The following YME1L1 variants were observed in gnomAD, a reference collection of about 807,000 sequenced individuals.
YME1L1 encodes the protein ATP-dependent zinc metalloprotease YME1L1.
Under a neutral mutation model 90.4 loss-of-function variants are expected in YME1L1, and 39 were observed. The observed-to-expected ratio is 0.43, with a 90% CI of 0.33 to 0.56. The LOEUF (loss-of-function observed/expected upper bound fraction) is 0.56. Among genes scored for constraint, YME1L1 ranks in the 20% least tolerant of loss-of-function variants. The probability of loss-of-function intolerance (pLI) is 0.03; values close to 1 mark genes in which losing one functional copy is unlikely to be tolerated. For missense variants in YME1L1, 617 were observed against 868.4 expected (o/e 0.71, Z 3.64); for synonymous variants, 284 against 287.3 (o/e 0.99, Z 0.12).
intron 4 of YME1L1, among the ~76,000 whole-genome samples, chr10:27,136,997 G>C (rs1019348454): frequency 1.4e-5 from 2 of 142,850 alleles, no homozygotes; most frequent in African/African-American, 5.1e-5. Context: ...AAAAAACTGA[G>C]TATCAACTCT....
At position 27,117,680 on chromosome 10, in the gene YME1L1, T is replaced by A. The variant is rs2056827500; in HGVS notation, c.1615A>T (p.Thr539Ser). 1 of 1,614,120 alleles carries A rather than the reference T, an allele frequency of 6.2e-7. No homozygotes were observed. Among genetic ancestry groups the A allele is most frequent in the African/African-American group, 1.3e-5 (1 of 74,950 alleles). The part of the protein sequence containing the change: ...VEIDNKNKTI[T>S]AYHESGHAII... ...GCATGACCAGATTCATGATATGCTG[T>A]GATGGTTTTGTTTTTGTTATCAATT... Residue 539 changes from threonine (T) to serine (S), a missense_variant, in exon 15 of 19, where the codon ACA becomes TCA. Thr to Ser is a moderately conservative substitution (Grantham distance 58). Coordinates refer to ENST00000376016, the MANE Select transcript of YME1L1 (RefSeq NM_014263.4).
chr10:27,151,738 G>T (rs2057218829), intron 1 of YME1L1, among the ~76,000 whole-genome samples: 2 of 152,180 alleles, frequency 1.3e-5, no homozygotes, highest in Non-Finnish European at 2.9e-5. Flanking sequence ...AAAATTAGCC[G>T]GGCGTGGTGG....
Position 27,120,495 on chromosome 10 carries a change from C to G in YME1L1, c.1351G>C (p.Asp451His). Residue 451 changes from aspartate to histidine, a missense_variant, in exon 13 of 19, where the codon GAT (aspartate) becomes CAT (histidine). Physicochemically the swap from Asp to His is moderately conservative, Grantham distance 81 (BLOSUM62 -1). This residue lies in a region of YME1L1 where 212 missense variants were observed against 330.0 expected (regional missense o/e 0.64). Coordinates refer to ENST00000376016, the MANE Select transcript of YME1L1 (RefSeq NM_014263.4). ...FDMQVTVPRP[D>H]VKGRTEILKW... ...AAAATTTCTGTTCGACCTTTTACAT[C>G]TGGCCTTGGAACTGTAACTTGCATG... 6.2e-7 allele frequency: 1 copy of G among 1,613,818 alleles called. No individual in the cohort carries two copies. Among genetic ancestry groups the G allele is most frequent in the South Asian group, 1.1e-5 (1 of 91,044 alleles).
intron 8 of YME1L1, among the ~76,000 whole-genome samples, chr10:27,127,004 CA>C (rs1208303189): frequency 6.6e-6 from 1 of 152,110 alleles, no homozygotes; most frequent in Non-Finnish European, 1.5e-5. Context: ...TTACTATCCC[CA>C]AAAAAATCAT....
chr10:27,118,049 A>C (rs1176022356), intron 14 of YME1L1, among the ~76,000 whole-genome samples: 2 of 152,234 alleles, frequency 1.3e-5, no homozygotes, highest in African/African-American at 4.8e-5. Context: ...AGCATCCCTG[A>C]ATTTTGGTAT....
intron 18 of YME1L1, among the ~76,000 whole-genome samples, chr10:27,113,759 T>C (rs1331448491): frequency 1.3e-5 from 2 of 151,466 alleles, no homozygotes; most frequent in African/African-American, 4.9e-5. Context: ...CCCCAGCTAC[T>C]TGGGAGGTTG....
rs555354401 is a variant in YME1L1 at position 27,134,018 on chromosome 10, A to G, written c.775+21T>C. 4.6e-6 allele frequency: 7 copies of G among 1,524,438 alleles called. No individual in the cohort carries two copies. In the African/African-American group the frequency reaches 8.3e-5, roughly 18 times the overall value. The allele number at this position is 1,524,438 out of a possible 1,614,324, so 94.4% of individuals were successfully genotyped here. A position where few individuals can be genotyped will look rare whatever the true frequency, so the allele number is the denominator to read the frequency against. ...TTTAAAGGAATAAGAAATAAGTTAG[A>G]CAAATAAAAAAAGCTTTTACCAGAT... On this transcript the variant is annotated intron_variant, in intron 7 of 18. Transcript: ENST00000376016.
chr10:27,132,004 T>C lies in YME1L1; in HGVS notation c.776-63A>G, dbSNP rs74126903. On this transcript the variant is annotated intron_variant, in intron 7 of 18. Coordinates refer to ENST00000376016, the MANE Select transcript of YME1L1 (RefSeq NM_014263.4). ...TAATAACATTCCAATCACCTTGTTT[T>C]TTAGATGCAAGAAAGCAAAGCCTAG... is the stretch of plus-strand genomic sequence containing the variant. 5.4e-4 allele frequency: 749 copies of C among 1,386,540 alleles called. 5 individuals are homozygous for C. The African/African-American group carries it at 9.0e-3, about 17-fold the overall frequency. 85.9% of individuals were successfully genotyped at this position (1,386,540 alleles called of 1,614,324 possible).
Position 27,154,181 on chromosome 10 carries a change from G to C in YME1L1, c.30C>G (p.Pro10=), listed in dbSNP as rs546189140. ...ATGGGCTGAATGCCTGGCTTACCTG[G>C]GGTTGCACCGTGCTCGACAAGGAAA... is the stretch of plus-strand genomic sequence containing the variant. MFSLSSTVQ[P]QVTVPLSHLI... Residue 10 remains proline (P), a synonymous_variant, in exon 1 of 19, where the codon CCC becomes CCG. Coordinates refer to ENST00000376016, the MANE Select transcript of YME1L1 (RefSeq NM_014263.4). The C allele has an allele frequency of 6.3e-7, 1 of 1,590,824 alleles. No individual in the cohort carries two copies. Among genetic ancestry groups the C allele is most frequent in the East Asian group, 2.3e-5 (1 of 43,954 alleles).
chr10:27,132,785 A>T (rs1400308956), intron 7 of YME1L1, among the ~76,000 whole-genome samples: 1 of 152,116 alleles, frequency 6.6e-6, no homozygotes, highest in Non-Finnish European at 1.5e-5. Context: ...GCCCCACTGC[A>T]CTCCAGCCTG....
intron 17 of YME1L1, among the ~76,000 whole-genome samples, 156 bp downstream of exon 17, chr10:27,115,904 T>A (rs1485652817): frequency 2.6e-5 from 4 of 152,204 alleles, no homozygotes; most frequent in Admixed American, 1.3e-4. Context: ...GTCCATTTTC[T>A]TTATTCAGAG....
rs1477153927 is a variant in YME1L1 at position 27,111,637 on chromosome 10, T to TA, written c.*339dup. ...GTTTCCACTGATGTATATAGAAGGC[T>TA]AAAGGCACAATTTTTATCAAATCTA... On this transcript the variant is annotated 3_prime_UTR_variant, in exon 19 of 19. Transcript: ENST00000376016. The TA allele has an allele frequency of 2.7e-6, 1 of 369,162 alleles. No individual in the cohort carries two copies. The highest frequency in any genetic ancestry group is 5.2e-6 in the Non-Finnish European group (1 of 193,110). The allele number at this position is 369,162 out of a possible 1,614,324, so 22.9% of individuals were successfully genotyped here.
At chr10:27,119,785 G>A (rs746073105) in intron 13 of YME1L1, among the ~76,000 whole-genome samples, 21 of 150,072 alleles carry the variant, frequency 1.4e-4, no homozygotes, top group Non-Finnish European at 2.8e-4. Context: ...CTCCAGCCTA[G>A]GCAAAAAGGG....
At chr10:27,142,134 T>C (rs2057094515) in intron 4 of YME1L1, among the ~76,000 whole-genome samples, 1 of 152,152 alleles carries the variant, frequency 6.6e-6, no homozygotes, top group South Asian at 2.1e-4. Flanking sequence ...TGGTTAGTCA[T>C]TTATCTTGAA....
At chr10:27,117,815 T>C (rs2056829003) in intron 14 of YME1L1, 88 bp from the exon 15 acceptor site, 3 of 1,344,884 alleles carry the variant, frequency 2.2e-6, no homozygotes, top group South Asian at 2.7e-5. Flanking sequence ...TCAAATACAC[T>C]CCACCCTTCC....
intron 2 of YME1L1, among the ~76,000 whole-genome samples, chr10:27,148,348 G>A (rs1042074657): frequency 5.9e-5 from 9 of 151,914 alleles, no homozygotes; most frequent in East Asian, 3.9e-4. Flanking sequence ...GACTACAGGC[G>A]CACGCCACCA....
At chr10:27,144,867 C>T (rs1161641013) in intron 3 of YME1L1, among the ~76,000 whole-genome samples, 1 of 152,170 alleles carries the variant, frequency 6.6e-6, no homozygotes, top group East Asian at 1.9e-4. Context: ...GTTAGGCCTG[C>T]ACGGTGGCTC....
intron 3 of YME1L1, among the ~76,000 whole-genome samples, chr10:27,143,424 G>A (rs2057110441): frequency 6.6e-6 from 1 of 151,598 alleles, no homozygotes; most frequent in Admixed American, 6.6e-5. Context: ...TTAAGGCCAG[G>A]CGCGGTGCCT....
At chr10:27,123,179 T>C (rs995752942) in intron 10 of YME1L1, among the ~76,000 whole-genome samples, 1 of 152,080 alleles carries the variant, frequency 6.6e-6, no homozygotes, top group African/African-American at 2.4e-5. Context: ...AACAAAACAG[T>C]TGGGCATTCA....
Sources: allele counts gnomAD v4.1 joint callset (sites outside exome capture counted in the v4.1 genomes callset), GRCh38; gene constraint gnomAD v4.1.1; regional missense constraint gnomAD v4.1.1; transcripts MANE v1.5; gene names NCBI Gene and HGNC (gene_info 2026-07-23, HGNC 2026-07-21).